Variants in ZNF568 observed in about 807,000 individuals in gnomAD.
The protein encoded by ZNF568 is zinc finger protein 568, also known as p53 inhibitor of SCO2 activation.
In ZNF568, 11 loss-of-function variants were observed where a neutral mutation model predicts 18.1. The observed-to-expected ratio is 0.61, with a 90% confidence interval of 0.38 to 1.00. The LOEUF is 1.00. ZNF568 is among the 50% of genes least tolerant of loss of function. The pLI, the probability that ZNF568 is intolerant of heterozygous loss-of-function variation, is 0.01. For synonymous variants in ZNF568, 213 were observed against 246.6 expected (o/e 0.86, Z 1.28); for missense variants, 639 against 768.2 (o/e 0.83, Z 1.99).
intron 2 of ZNF568, among the ~76,000 whole-genome samples, chr19:36,920,789 C>T (rs540686659): frequency 1.9e-3 from 174 of 93,506 alleles, no homozygotes; most frequent in African/African-American, 9.1e-3. Context: ...TGCGTTCACT[C>T]GCCACTCACT....
chr19:36,964,210 T>C lies in ZNF568; in HGVS notation c.359-10210T>C, dbSNP rs1022486386. Among the ~76,000 whole-genome samples the C allele has an allele frequency of 2.3e-4, 35 of 151,732 alleles. 1 individual carries two copies. Among genetic ancestry groups the C allele is most frequent in the Non-Finnish European group, 5.9e-5 (4 of 67,994 alleles). On this transcript the variant is annotated intron_variant, in intron 6 of 7. Transcript: ENST00000427117. Reference sequence around the variant, plus strand: ...TTTGCTTATGAACGTTTGTGAAATATTACTTTCTTGTTACATAGTGGACAG... The same window carrying C: ...TTTGCTTATGAACGTTTGTGAAATACTACTTTCTTGTTACATAGTGGACAG...
chr19:36,948,658 A>ATT (rs4069585), intron 6 of ZNF568, among the ~76,000 whole-genome samples: 1,792 of 83,384 alleles, frequency 0.021, 117 homozygotes, highest in African/African-American at 0.064. Flanking sequence ...TTTGTTGTTG[A>ATT]TTTTTTTTTT....
chr19:36,941,232 C>T (rs980753620), intron 6 of ZNF568, among the ~76,000 whole-genome samples: 2 of 151,900 alleles, frequency 1.3e-5, no homozygotes, highest in Non-Finnish European at 1.5e-5. Context: ...ACTCCAGGGG[C>T]GTGGAAAACC....
At chr19:36,978,385 C>T (rs145616256) in intron 7 of ZNF568, among the ~76,000 whole-genome samples, 9 of 152,270 alleles carry the variant, frequency 5.9e-5, no homozygotes, top group African/African-American at 1.9e-4. Context: ...CCTCAGAACC[C>T]CTCATCAGCT....
At chr19:36,985,644 T>G (rs1194729234) in intron 2 of ZNF568, among the ~76,000 whole-genome samples, 4 of 152,152 alleles carry the variant, frequency 2.6e-5, no homozygotes, top group Non-Finnish European at 4.4e-5. Flanking sequence ...TTTCTCATTC[T>G]CCCAAGTATC....
chr19:36,967,350 G>A (rs1413856953), intron 6 of ZNF568, among the ~76,000 whole-genome samples: 1 of 152,128 alleles, frequency 6.6e-6, no homozygotes, highest in Non-Finnish European at 1.5e-5. Context: ...GATCACCTGA[G>A]GTCAGGAGTT....
chr19:36,942,728 AGTTTT>A (rs534830439), intron 6 of ZNF568, among the ~76,000 whole-genome samples: 18 of 151,438 alleles, frequency 1.2e-4, no homozygotes, highest in African/African-American at 3.9e-4. Context: ...CCCCCACTCC[AGTTTT>A]GTTTTGTTTT....
chr19:36,922,929 C>A, intron 3 of ZNF568, 83 bp downstream of exon 3: 1 of 1,206,182 alleles, frequency 8.3e-7, no homozygotes, highest in Non-Finnish European at 1.2e-6. Flanking sequence ...ATTACTCCTA[C>A]TGAGAAAGGT....
At chr19:36,991,408 A>AT in intron 3 of ZNF568, 3 of 1,328,832 alleles carry the variant, frequency 2.3e-6, no homozygotes, top group Non-Finnish European at 3.0e-6. Flanking sequence ...CTTTTCAAGT[A>AT]CCTGGATGAG....
chr19:36,961,959 A>G (rs1163019550), intron 6 of ZNF568, among the ~76,000 whole-genome samples: 1 of 142,876 alleles, frequency 7.0e-6, no homozygotes, highest in Admixed American at 7.2e-5. Context: ...ATGCACCACC[A>G]TGCCTGGGTA....
Position 36,952,055 on chromosome 19 carries a change from T to TTTTTA in ZNF568, c.*967_*968insTTTTA. On this transcript the variant is annotated 3_prime_UTR_variant, in exon 7 of 7. Coordinates refer to ENST00000333987, the MANE Select transcript of ZNF568 (RefSeq NM_198539.4). ...CCAAGGAGCTTTTTTTTTTTTTTTT[T>TTTTTA]CAAGACAAAAGGACTCTGTAATTCC... 1.1e-6 allele frequency: 1 copy of TTTTTA among 951,786 alleles called. No individual in the cohort carries two copies. Among genetic ancestry groups the TTTTTA allele is most frequent in the Non-Finnish European group, 1.2e-6 (1 of 807,502 alleles). The allele number at this position is 951,786 out of a possible 1,614,324, so 59.0% of individuals were successfully genotyped here. A position where few individuals can be genotyped will look rare whatever the true frequency, so the allele number is the denominator to read the frequency against.
intron 4 of ZNF568, among the ~76,000 whole-genome samples, chr19:36,927,880 ATATATATTATATATATATATATATTTT>A (rs2073592160): frequency 1.8e-5 from 1 of 54,876 alleles, no homozygotes; most frequent in Non-Finnish European, 2.9e-5. Flanking sequence ...ATATATATAT[ATATATATTATATATATATATATATTTT>A]TTTTTTTTTT....
At chr19:36,965,895 T>A (rs1008675157) in intron 6 of ZNF568, among the ~76,000 whole-genome samples, 1 of 151,792 alleles carries the variant, frequency 6.6e-6, no homozygotes, top group Non-Finnish European at 1.5e-5. Context: ...GAGACAGGTT[T>A]CACCATGTTG....
chr19:36,945,210 A>AGTGTGTGTGTGTGT (rs10616521), intron 6 of ZNF568, among the ~76,000 whole-genome samples: 21 of 141,958 alleles, frequency 1.5e-4, no homozygotes, highest in African/African-American at 4.7e-4. Flanking sequence ...CAGAGAGAGA[A>AGTGTGTGTGTGTGT]GTGTGTGTGT....
At chr19:36,966,100 C>T (rs2074192457) in intron 6 of ZNF568, among the ~76,000 whole-genome samples, 1 of 151,816 alleles carries the variant, frequency 6.6e-6, no homozygotes, top group African/African-American at 2.4e-5. Flanking sequence ...GCCTGGCCAA[C>T]ATGGTGAAAG....
chr19:36,948,129 T>C (rs567008833), intron 6 of ZNF568, among the ~76,000 whole-genome samples: 4 of 152,208 alleles, frequency 2.6e-5, no homozygotes, highest in Non-Finnish European at 5.9e-5. Flanking sequence ...CTCCTCTCTC[T>C]TCCTCCTGTT....
chr19:36,921,582 T>G (rs1014985778), intron 2 of ZNF568, among the ~76,000 whole-genome samples: 5 of 152,218 alleles, frequency 3.3e-5, no homozygotes, highest in Non-Finnish European at 7.3e-5. Context: ...GTTTTCTGTT[T>G]TATTTGTTCT....
Position 36,949,990 on chromosome 19 carries a change from G to A in ZNF568, c.837G>A (p.Lys279=). The A allele has an allele frequency of 6.2e-7, 1 of 1,613,754 alleles. No individual in the cohort carries two copies. Among genetic ancestry groups the A allele is most frequent in the Non-Finnish European group, 8.5e-7 (1 of 1,179,890 alleles). The part of the protein sequence containing the change: ...QKIHTGEKPY[K]CNECGKAFIQ... ...TTCATACTGGGGAAAAACCGTATAA[G>A]TGTAATGAATGTGGAAAAGCTTTCA... The change falls in exon 7 of 7, where the codon AAG becomes AAA. Residue 279 remains lysine, a synonymous_variant. Coordinates refer to ENST00000333987, the MANE Select transcript of ZNF568 (RefSeq NM_198539.4).
intron 3 of ZNF568, among the ~76,000 whole-genome samples, chr19:36,924,193 A>G (rs1051773490): frequency 1.3e-5 from 2 of 151,984 alleles, no homozygotes; most frequent in Non-Finnish European, 2.9e-5. Flanking sequence ...ACCTATAGCC[A>G]GTCTCTGATG....
Sources: gnomAD v4.1 joint callset for allele counts (sites outside exome capture counted in the v4.1 genomes callset) on GRCh38, gnomAD v4.1.1 for gene constraint, MANE v1.5 for transcripts, NCBI Gene and HGNC (gene_info 2026-07-23, HGNC 2026-07-21) for gene names.